The following FRMPD4 variants were observed in gnomAD, a reference collection of about 807,000 sequenced individuals.
FRMPD4 encodes the protein FERM and PDZ domain containing 4.
A neutral mutation model predicts 94.1 loss-of-function variants in FRMPD4; 22 were observed. The observed-to-expected ratio is 0.23, with a 90% CI of 0.17 to 0.33. The LOEUF is 0.33. Among genes scored for constraint, FRMPD4 ranks in the 10% least tolerant of loss-of-function variants. The probability of loss-of-function intolerance (pLI) is 1.00; values close to 1 mark genes in which losing one functional copy is unlikely to be tolerated. For missense variants in FRMPD4, 1,111 were observed against 1,339.9 expected, an observed-to-expected ratio of 0.83 and a Z score of 2.67; for synonymous variants, 631 against 548.6, an observed-to-expected ratio of 1.15 and a Z score of -2.10.
intron 3 of FRMPD4, among the ~76,000 whole-genome samples, chrX:12,087,413 C>A (rs2055119680): frequency 8.9e-6 from 1 of 112,088 alleles, no homozygotes; most frequent in African/African-American, 3.2e-5. Flanking sequence ...GCACTCAGTG[C>A]CCTCCTCTTA....
At chrX:12,661,716 T>C (rs571677087) in intron 4 of FRMPD4, among the ~76,000 whole-genome samples, 3 of 112,252 alleles carry the variant, frequency 2.7e-5, no homozygotes, top group South Asian at 7.5e-4. Context: ...GAATGCTTGG[T>C]CATTTGCTGG....
intron 3 of FRMPD4, among the ~76,000 whole-genome samples, chrX:11,955,954 G>T (rs2054255054): frequency 9.0e-6 from 1 of 111,207 alleles, no homozygotes; most frequent in Admixed American, 9.6e-5. Flanking sequence ...AACATGCATG[G>T]CAGAAAAAGG....
intron 1 of FRMPD4, among the ~76,000 whole-genome samples, chrX:12,463,692 G>GTTTTTTTTTTTTT (rs1235218164): frequency 1.2e-5 from 1 of 81,748 alleles, no homozygotes; most frequent in African/African-American, 4.9e-5. Context: ...TTTTTTTTTT[G>GTTTTTTTTTTTTT]TTTTTGTTTT....
chrX:11,960,036 A>G (rs369373565), intron 3 of FRMPD4, among the ~76,000 whole-genome samples: 26 of 111,243 alleles, frequency 2.3e-4, no homozygotes, highest in Middle Eastern at 4.6e-3. Context: ...TGTCAGTGTT[A>G]AGAAGGAACA....
chrX:12,212,644 C>T (rs2056767200), intron 1 of FRMPD4, among the ~76,000 whole-genome samples: 2 of 111,940 alleles, frequency 1.8e-5, no homozygotes, highest in South Asian at 7.5e-4. Flanking sequence ...AGCTAATCTA[C>T]TTTCTTAGGG....
intron 3 of FRMPD4, among the ~76,000 whole-genome samples, chrX:11,894,518 G>C (rs996785631): frequency 8.9e-6 from 1 of 112,142 alleles, no homozygotes; most frequent in Admixed American, 9.4e-5. Context: ...TTTATCCTTG[G>C]CTGCACATTG....
At chrX:11,925,139 A>T (rs1385442120) in intron 3 of FRMPD4, among the ~76,000 whole-genome samples, 1 of 43,123 alleles carries the variant, frequency 2.3e-5, no homozygotes, top group Admixed American at 2.7e-4. Context: ...AACAGAGATT[A>T]AAAAAAAAAA....
chrX:11,836,733 T>C (rs1194362648), intron 1 of FRMPD4, among the ~76,000 whole-genome samples: 1 of 111,946 alleles, frequency 8.9e-6, no homozygotes, highest in African/African-American at 3.2e-5. Flanking sequence ...TGATGAAAAC[T>C]ATGCCTGGGG....
At chrX:12,038,061 A>G (rs1372924604) in intron 3 of FRMPD4, among the ~76,000 whole-genome samples, 2 of 111,897 alleles carry the variant, frequency 1.8e-5, no homozygotes, top group African/African-American at 6.5e-5. Flanking sequence ...CCAGTTTTTG[A>G]CTAATAGTGA....
At chrX:12,413,119 G>A (rs16986854) in intron 1 of FRMPD4, among the ~76,000 whole-genome samples, 30,537 of 110,796 alleles carry the variant, frequency 0.28, 3,105 homozygotes, top group Non-Finnish European at 0.31. Flanking sequence ...TCTGCATCTC[G>A]GAGGGATTTT....
intron 1 of FRMPD4, among the ~76,000 whole-genome samples, chrX:12,242,783 C>A (rs765471549): frequency 1.8e-5 from 2 of 112,663 alleles, no homozygotes; most frequent in African/African-American, 6.4e-5. Context: ...GTCATCCAGG[C>A]TGTAATGCAG....
At chrX:11,994,887 T>G (rs2054488490) in intron 3 of FRMPD4, among the ~76,000 whole-genome samples, 1 of 111,584 alleles carries the variant, frequency 9.0e-6, no homozygotes, top group Non-Finnish European at 1.9e-5. Context: ...TGCTTAGTCT[T>G]TCATTCCAGC....
intron 2 of FRMPD4, among the ~76,000 whole-genome samples, chrX:12,508,244 T>C (rs1169351554): frequency 9.2e-6 from 1 of 108,453 alleles, no homozygotes; most frequent in African/African-American, 3.4e-5. Context: ...CATTCTCCTT[T>C]TGCTCCAAGC....
At chrX:12,292,388 G>A (rs1346977270) in intron 1 of FRMPD4, among the ~76,000 whole-genome samples, 3 of 111,132 alleles carry the variant, frequency 2.7e-5, no homozygotes, top group African/African-American at 9.8e-5. Flanking sequence ...GTTTTTGGTG[G>A]TGTTGCCTAT....
At chrX:12,320,670 T>C (rs2055195525) in intron 1 of FRMPD4, among the ~76,000 whole-genome samples, 1 of 111,762 alleles carries the variant, frequency 8.9e-6, no homozygotes, top group African/African-American at 3.3e-5. Flanking sequence ...ACCAGTGTTC[T>C]AAAGGGGCAG....
At chrX:11,892,665 C>A (rs2053881694) in intron 3 of FRMPD4, among the ~76,000 whole-genome samples, 1 of 112,360 alleles carries the variant, frequency 8.9e-6, no homozygotes, top group African/African-American at 3.2e-5. Context: ...CAAGAAAGGG[C>A]AAAGAATGAA....
At chrX:12,672,829 A>G (rs1407101916) in intron 4 of FRMPD4, among the ~76,000 whole-genome samples, 3 of 111,979 alleles carry the variant, frequency 2.7e-5, no homozygotes, top group Non-Finnish European at 5.6e-5. Flanking sequence ...ATGATTATGT[A>G]CTTAAGATGA....
At chrX:12,330,687 T>G (rs1228591395) in intron 1 of FRMPD4, among the ~76,000 whole-genome samples, 1 of 111,462 alleles carries the variant, frequency 9.0e-6, no homozygotes, top group African/African-American at 3.3e-5. Context: ...AAGGAAGAAG[T>G]GAGTGAGAAA....
intron 2 of FRMPD4, among the ~76,000 whole-genome samples, chrX:12,530,260 T>C (rs2058270999): frequency 8.9e-6 from 1 of 111,976 alleles, no homozygotes; most frequent in Admixed American, 9.5e-5. Context: ...ATGCTAGGAA[T>C]GATGGAATTA....
Sources: allele counts gnomAD v4.1 joint callset (sites outside exome capture counted in the v4.1 genomes callset), GRCh38; gene constraint gnomAD v4.1.1; transcripts MANE v1.5; gene names NCBI Gene and HGNC (gene_info 2026-07-23, HGNC 2026-07-21).